PPM1A: variants seen among roughly 807,000 people sequenced by gnomAD.
PPM1A encodes protein phosphatase 1A.
A neutral mutation model predicts 35.0 loss-of-function variants in PPM1A; 7 were observed. That is an observed-to-expected ratio of 0.20 (90% CI 0.11 to 0.38). PPM1A has a LOEUF of 0.38. PPM1A is among the 10% of genes least tolerant of loss of function. The probability of loss-of-function intolerance (pLI) is 1.00; values close to 1 mark genes in which losing one functional copy is unlikely to be tolerated. For synonymous variants in PPM1A, 153 were observed against 167.3 expected, an observed-to-expected ratio of 0.91 and a Z score of 0.66; for missense variants, 239 against 467.8, an observed-to-expected ratio of 0.51 and a Z score of 4.51.
chr14:60,270,543 T>G (rs1884957939), intron 1 of PPM1A, among the ~76,000 whole-genome samples: 1 of 152,208 alleles, frequency 6.6e-6, no homozygotes, highest in African/African-American at 2.4e-5. Flanking sequence ...GCCTGTTCTG[T>G]CATTATACTA....
Position 60,292,574 on chromosome 14 carries a change from A to T in PPM1A, c.*92A>T. ...ACTTTTAACATCCATCCTCAACTTTAAGGAAGGGGATATGACATGGGTGAG... is the reference window on the plus strand; with the variant it reads ...ACTTTTAACATCCATCCTCAACTTTTAGGAAGGGGATATGACATGGGTGAG... On this transcript the variant is annotated 3_prime_UTR_variant, in exon 6 of 6. Transcript: ENST00000395076. The surrounding 1 kb of genome is among the most constrained non-coding windows in gnomAD (Gnocchi z 4.2). 8.8e-7 allele frequency: 1 copy of T among 1,133,164 alleles called. No individual in the cohort carries two copies. Among genetic ancestry groups the T allele is most frequent in the Non-Finnish European group, 1.3e-6 (1 of 763,934 alleles). The allele number at this position is 1,133,164 out of a possible 1,614,324, so 70.2% of individuals were successfully genotyped here.
At position 60,264,861 on chromosome 14, in the gene PPM1A, C is replaced by A. The variant is rs79142079; in HGVS notation, c.-21+15184C>A. Among the ~76,000 whole-genome samples, 342 of 152,126 alleles carry A rather than the reference C, an allele frequency of 2.2e-3. 1 individual carries two copies. Among genetic ancestry groups the A allele is most frequent in the African/African-American group, 8.0e-3 (332 of 41,508 alleles). ...CCACCTATTCTGGTTTGATTTCTGC[C>A]TATTTTTAATTTTTCTTCCTTTAAT... On this transcript the variant is annotated intron_variant, in intron 1 of 5. Transcript: ENST00000395076.
chr14:60,247,418 A>G (rs1280788467), upstream of PPM1A, among the ~76,000 whole-genome samples: 1 of 152,142 alleles, frequency 6.6e-6, no homozygotes, highest in African/African-American at 2.4e-5. Context: ...TCACGAGGTC[A>G]GGAAACCGAG....
chr14:60,291,594 C>A, intron 5 of PPM1A, 140 bp downstream of exon 5: 1 of 527,620 alleles, frequency 1.9e-6, no homozygotes, highest in Admixed American at 3.8e-5. Flanking sequence ...ACTCTGCTTG[C>A]TCTGATCTCT....
chr14:60,268,014 GAAATT>G (rs1284699511), intron 1 of PPM1A, among the ~76,000 whole-genome samples: 8 of 151,932 alleles, frequency 5.3e-5, no homozygotes, highest in African/African-American at 1.7e-4. Context: ...TCAAATTTAG[GAAATT>G]TAACATTCAT....
chr14:60,291,363 G>A, intron 4 of PPM1A, 34 bp from the exon 5 acceptor site: 2 of 1,467,348 alleles, frequency 1.4e-6, no homozygotes, highest in Non-Finnish European at 1.9e-6. Flanking sequence ...TTTGCTTTCT[G>A]AAGAATTAAT....
At chr14:60,284,506 G>T (rs1427722725) in intron 2 of PPM1A, among the ~76,000 whole-genome samples, 12 of 151,894 alleles carry the variant, frequency 7.9e-5, no homozygotes, top group Admixed American at 7.9e-4. Flanking sequence ...GCCGGGTGTG[G>T]TGGCGGGCGC....
chr14:60,290,613 GTAAA>G (rs1313141086), intron 4 of PPM1A, among the ~76,000 whole-genome samples: 1 of 152,118 alleles, frequency 6.6e-6, no homozygotes, highest in African/African-American at 2.4e-5. Flanking sequence ...TGGATATAGA[GTAAA>G]TGTGCTAAAA....
At chr14:60,276,029 CAAGGGT>C (rs1162665021) in intron 1 of PPM1A, among the ~76,000 whole-genome samples, 1 of 152,032 alleles carries the variant, frequency 6.6e-6, no homozygotes, top group Non-Finnish European at 1.5e-5. Context: ...GATGTAGCTG[CAAGGGT>C]TAGCATTTCT....
At chr14:60,288,378 G>A (rs1887261295) in intron 3 of PPM1A, 1 of 982,314 alleles carries the variant, frequency 1.0e-6, no homozygotes, top group Non-Finnish European at 1.2e-6. Flanking sequence ...CCAAATAATT[G>A]TATTGGCTTA....
chr14:60,250,670 G>A (rs1002048237), intron 1 of PPM1A, among the ~76,000 whole-genome samples: 1 of 152,210 alleles, frequency 6.6e-6, no homozygotes, highest in African/African-American at 2.4e-5. Flanking sequence ...TTTTCTCAAA[G>A]GAAATGATTT....
chr14:60,255,211 GC>G (rs1882957180), intron 1 of PPM1A, among the ~76,000 whole-genome samples: 1 of 131,534 alleles, frequency 7.6e-6, no homozygotes. Context: ...TCGCTCTGTC[GC>G]CCAGGCTGGA....
chr14:60,249,523 CCCT>C lies in PPM1A; in HGVS notation c.-169_-167del, dbSNP rs1396268981. On this transcript the variant is annotated 5_prime_UTR_variant, in exon 1 of 6. Transcript: ENST00000395076. The surrounding 1 kb of genome is among the most constrained non-coding windows in gnomAD (Gnocchi z 4.5). ...GGGCCCGGACGCAGCCCGGCTCCTC[CCCT>C]CCTCCGCCCCTTCCCCAGCCTGACC... is the stretch of plus-strand genomic sequence containing the variant. 2 of 985,066 alleles carry C rather than the reference CCCT, an allele frequency of 2.0e-6. No individual in the cohort carries two copies. Among genetic ancestry groups the C allele is most frequent in the Non-Finnish European group, 2.4e-6 (2 of 829,536 alleles). The allele number at this position is 985,066 out of a possible 1,614,324, so 61.0% of individuals were successfully genotyped here.
chr14:60,285,217 T>G (rs1886864730), intron 2 of PPM1A, among the ~76,000 whole-genome samples: 1 of 152,214 alleles, frequency 6.6e-6, no homozygotes, highest in African/African-American at 2.4e-5. Flanking sequence ...CAAATCCTAT[T>G]GTAAACAATG....
intron 1 of PPM1A, among the ~76,000 whole-genome samples, chr14:60,269,866 G>A (rs1884879676): frequency 6.6e-6 from 1 of 152,030 alleles, no homozygotes; most frequent in Non-Finnish European, 1.5e-5. Flanking sequence ...TGTTTATTTT[G>A]TCTGAATTGT....
At position 60,294,303 on chromosome 14, in the gene PPM1A, T is replaced by TA. The variant is rs1887891254; in HGVS notation, c.*1822dup. On this transcript the variant is annotated 3_prime_UTR_variant, in exon 6 of 6. Transcript: ENST00000395076. ...ACTTAATTGTATTTAATTTATATCTTATTCCAGCATGAATGAGGAAAAACT... is the reference window on the plus strand; with the variant it reads ...ACTTAATTGTATTTAATTTATATCTTAATTCCAGCATGAATGAGGAAAAACT... 6.6e-6 allele frequency: 1 copy of TA among 151,904 alleles called. No homozygotes were observed. The highest frequency in any genetic ancestry group is 1.5e-5 in the Non-Finnish European group (1 of 67,820). The allele number at this position is 151,904 out of a possible 1,614,324, so 9.4% of individuals were successfully genotyped here. A position where few individuals can be genotyped will look rare whatever the true frequency, so the allele number is the denominator to read the frequency against.
rs1884898798 is a variant in PPM1A, at chr14:60,270,044, A to G, written c.-20-12640A>G. Reference sequence around the variant, plus strand: ...TTTTCTTCCATTATTTGGTTTTCTTATTTACAATGTGCTAATTGAGCTGTT... The same window carrying G: ...TTTTCTTCCATTATTTGGTTTTCTTGTTTACAATGTGCTAATTGAGCTGTT... On this transcript the variant is annotated intron_variant, in intron 1 of 5. Coordinates refer to ENST00000395076, the MANE Select transcript of PPM1A (RefSeq NM_021003.5). Among the ~76,000 whole-genome samples the G allele has an allele frequency of 4.6e-5, 7 of 151,894 alleles. No homozygotes were observed. In the South Asian group the frequency reaches 1.2e-3, roughly 27 times the overall value.
At chr14:60,287,558 TTCTC>T in intron 3 of PPM1A, 1 of 985,326 alleles carries the variant, frequency 1.0e-6, no homozygotes, top group Non-Finnish European at 1.2e-6. Flanking sequence ...CCTTTTTCTT[TTCTC>T]TCTCTCTTCT....
rs771521785 is a variant in PPM1A, at chr14:60,283,216, G to A, written c.513G>A (p.Glu171=). 1.2e-6 allele frequency: 2 copies of A among 1,614,236 alleles called. No individual in the cohort carries two copies. The highest frequency in any genetic ancestry group is 1.7e-6 in the Non-Finnish European group (2 of 1,180,052). The part of the protein sequence containing the change: ...TQDHKPSNPL[E]KERIQNAGGS... ...ATCACAAACCAAGTAATCCGCTGGAGAAAGAACGAATTCAGAATGCAGGTG... is the reference window on the plus strand; with the variant it reads ...ATCACAAACCAAGTAATCCGCTGGAAAAAGAACGAATTCAGAATGCAGGTG... The change falls in exon 2 of 6, where the codon GAG becomes GAA. Residue 171 remains glutamate, a synonymous_variant. Coordinates refer to ENST00000395076, the MANE Select transcript of PPM1A (RefSeq NM_021003.5). The surrounding 1 kb of genome is among the most constrained non-coding windows in gnomAD (Gnocchi z 6.3).
Sources: gnomAD v4.1 joint callset for allele counts (sites outside exome capture counted in the v4.1 genomes callset) on GRCh38, gnomAD v4.1.1 for gene constraint, Gnocchi (gnomAD v3.1) non-coding constraint, MANE v1.5 for transcripts, NCBI Gene and HGNC (gene_info 2026-07-23, HGNC 2026-07-21) for gene names.